Variants in SAMD5 observed in about 807,000 individuals in gnomAD.
SAMD5 encodes sterile alpha motif domain-containing protein 5.
A neutral mutation model predicts 11.3 loss-of-function variants in SAMD5; 13 were observed. That is an observed-to-expected ratio of 1.15 (90% CI 0.75 to 1.83). The LOEUF is 1.83. Among genes scored for constraint, SAMD5 ranks in the 40% most tolerant of loss-of-function variants. The pLI is 0.00. For missense variants in SAMD5, 255 were observed against 239.1 expected (o/e 1.07, Z -0.44); for synonymous variants, 129 against 111.3 (o/e 1.16, Z -1.00).
At chr6:147,816,978 T>C in the SAMD5 span, among the ~76,000 whole-genome samples, 2 of 152,040 alleles carry the variant, frequency 1.3e-5, no homozygotes, top group Admixed American at 1.3e-4. Context: ...CTTACAAGTA[T>C]GATAAAAGGT....
At chr6:147,665,581 A>G (rs909389079) in intron 1 of SAMD5, among the ~76,000 whole-genome samples, 2 of 152,306 alleles carry the variant, frequency 1.3e-5, no homozygotes, top group South Asian at 2.1e-4. Flanking sequence ...GTCAAGATTT[A>G]TGCCTGATGT....
In SAMD5 at chr6:147,566,123, A is replaced by G. The variant is rs1789036638; in HGVS notation, c.*1667A>G. ...ACTGCTTTAAAAATCTGAAGTTTAA[A>G]TAGTTTAGCTATTTCTGTAGGTTAA... On this transcript the variant is annotated 3_prime_UTR_variant, in exon 2 of 2. Transcript: ENST00000367474. 4 of 982,664 alleles carry G rather than the reference A, an allele frequency of 4.1e-6. No individual in the cohort carries two copies. The highest frequency in any genetic ancestry group is 4.8e-6 in the Non-Finnish European group (4 of 827,542). The allele number at this position is 982,664 out of a possible 1,614,324, so 60.9% of individuals were successfully genotyped here.
downstream of SAMD5, among the ~76,000 whole-genome samples, chr6:147,740,207 A>T (rs531596785): frequency 1.3e-5 from 2 of 152,180 alleles, no homozygotes; most frequent in Non-Finnish European, 2.9e-5. Context: ...TTTTTAAACT[A>T]TTCCTTTGTC....
chr6:147,839,162 T>G, the SAMD5 span, among the ~76,000 whole-genome samples: 3 of 152,206 alleles, frequency 2.0e-5, no homozygotes, highest in Admixed American at 2.0e-4. Flanking sequence ...CCTGTTGTAT[T>G]CAAATTCTCA....
chr6:147,641,496 G>C (rs888269737), intron 1 of SAMD5, among the ~76,000 whole-genome samples: 2 of 151,952 alleles, frequency 1.3e-5, no homozygotes, highest in Non-Finnish European at 2.9e-5. Context: ...CAGACATTTT[G>C]CATGTCAGGA....
At chr6:147,783,559 A>C in the SAMD5 span, among the ~76,000 whole-genome samples, 1 of 151,646 alleles carries the variant, frequency 6.6e-6, no homozygotes, top group African/African-American at 2.4e-5. Flanking sequence ...ACGCCTGGCT[A>C]ATTTTTTTGT....
the SAMD5 span, among the ~76,000 whole-genome samples, chr6:147,947,835 T>C: frequency 1.3e-5 from 2 of 152,300 alleles, no homozygotes; most frequent in East Asian, 3.9e-4. Context: ...CTGCCTTTAT[T>C]GGAATTTTTT....
the SAMD5 span, among the ~76,000 whole-genome samples, chr6:147,844,705 A>T: frequency 6.6e-6 from 1 of 152,204 alleles, no homozygotes; most frequent in Non-Finnish European, 1.5e-5. Flanking sequence ...CATTTGTGGC[A>T]ACATGGATGA....
intron 1 of SAMD5, among the ~76,000 whole-genome samples, chr6:147,576,494 T>C (rs1231645629): frequency 1.3e-5 from 2 of 152,186 alleles, no homozygotes; most frequent in East Asian, 3.9e-4. Context: ...CATTCCTTTA[T>C]GCTCAGAGTC....
the SAMD5 span, among the ~76,000 whole-genome samples, chr6:147,931,834 A>C: frequency 6.6e-6 from 1 of 152,228 alleles, no homozygotes; most frequent in Admixed American, 6.5e-5. Flanking sequence ...CTTTGGTTTC[A>C]TAGAAATTTG....
the SAMD5 span, among the ~76,000 whole-genome samples, chr6:147,830,251 C>CTTTTTTTTTTTTTTTTTTT: frequency 2.4e-4 from 20 of 84,930 alleles, no homozygotes; most frequent in East Asian, 7.2e-4. Flanking sequence ...TTCTTTCTTT[C>CTTTTTTTTTTTTTTTTTTT]TTTTTTTTTT....
intron 1 of SAMD5, among the ~76,000 whole-genome samples, chr6:147,619,434 A>C (rs1163567408): frequency 6.7e-6 from 1 of 150,332 alleles, no homozygotes; most frequent in Non-Finnish European, 1.5e-5. Flanking sequence ...GCAGATATGC[A>C]GATACTCATG....
At chr6:147,582,845 C>T (rs77518895) in intron 1 of SAMD5, among the ~76,000 whole-genome samples, 89 of 152,260 alleles carry the variant, frequency 5.8e-4, no homozygotes, top group African/African-American at 2.0e-3. Flanking sequence ...TGTTCATTGG[C>T]CCAGTGTTCA....
chr6:147,915,968 G>C, the SAMD5 span, among the ~76,000 whole-genome samples: 4 of 137,690 alleles, frequency 2.9e-5, no homozygotes, highest in African/African-American at 1.1e-4. Context: ...GTTCTCACTC[G>C]TCAATTCCCA....
rs1789051957 is a variant in SAMD5, at chr6:147,566,973, T to C, written c.*2517T>C. 3.6e-6 allele frequency: 3 copies of C among 834,760 alleles called. No individual in the cohort carries two copies. The allele number at this position is 834,760 out of a possible 1,614,324, so 51.7% of individuals were successfully genotyped here. On this transcript the variant is annotated 3_prime_UTR_variant, in exon 2 of 2. Coordinates refer to ENST00000367474, the MANE Select transcript of SAMD5 (RefSeq NM_001030060.3). ...ACTTAATTTTTGAATATAAAAGAAG[T>C]AGCAATTGACTAAGAATAAATATGT...
intron 1 of SAMD5, among the ~76,000 whole-genome samples, chr6:147,546,663 T>C (rs1788692757): frequency 6.6e-6 from 1 of 152,174 alleles, no homozygotes; most frequent in Non-Finnish European, 1.5e-5. Flanking sequence ...TTTTTGTGTG[T>C]GTGCTAAGAA....
intron 1 of SAMD5, among the ~76,000 whole-genome samples, chr6:147,509,763 T>G (rs1788059476): frequency 6.6e-6 from 1 of 152,214 alleles, no homozygotes; most frequent in Non-Finnish European, 1.5e-5. Context: ...GGTTAATACC[T>G]ACATTGCTTT....
At chr6:147,586,317 CAG>C (rs1254016171) in intron 1 of SAMD5, among the ~76,000 whole-genome samples, 1 of 152,046 alleles carries the variant, frequency 6.6e-6, no homozygotes, top group Non-Finnish European at 1.5e-5. Context: ...GCTCTGGAAA[CAG>C]AAATATTTTA....
the SAMD5 span, among the ~76,000 whole-genome samples, chr6:147,896,755 A>ACAAAAAACAACCAAAC: frequency 7.0e-6 from 1 of 142,424 alleles, no homozygotes; most frequent in African/African-American, 2.8e-5. Context: ...AAAAAAAAAA[A>ACAAAAAACAACCAAAC]AAAAAAAACG....
Sources: allele counts gnomAD v4.1 joint callset (sites outside exome capture counted in the v4.1 genomes callset), GRCh38; gene constraint gnomAD v4.1.1; transcripts MANE v1.5; gene names NCBI Gene and HGNC (gene_info 2026-07-23, HGNC 2026-07-21).